The following NUBP1 variants were observed in gnomAD, a reference collection of about 807,000 sequenced individuals.
The protein encoded by NUBP1 is NUBP iron-sulfur cluster assembly factor 1, cytosolic, also known as cytosolic Fe-S cluster assembly factor NUBP1.
A neutral mutation model predicts 41.8 loss-of-function variants in NUBP1; 46 were observed. The ratio of observed to expected loss-of-function variants is 1.10; its 90% confidence interval spans 0.87 to 1.41. The LOEUF is 1.41. Among genes scored for constraint, NUBP1 ranks in the 40% most tolerant of loss-of-function variants. The pLI is 0.00. For missense variants in NUBP1, 494 were observed against 414.0 expected, an observed-to-expected ratio of 1.19 and a Z score of -1.68; for synonymous variants, 189 against 154.6, an observed-to-expected ratio of 1.22 and a Z score of -1.65.
In NUBP1 at chr16:10,757,206, C is replaced by T. The variant is rs548720670; in HGVS notation, c.451+426C>T. On this transcript the variant is annotated intron_variant, in intron 6 of 10. Coordinates refer to ENST00000283027, the MANE Select transcript of NUBP1 (RefSeq NM_002484.4). This position sits in a 1 kb window ranked among gnomAD's most constrained non-coding sequence, Gnocchi z 4.1. The stretch of plus-strand genomic sequence containing the variant: ...ATCCCAGCTACTCGAGAGGCTGAGG[C>T]AGGAGAACCCAGGAGGCGGAGGTTG... 6.6e-6 allele frequency among the ~76,000 whole-genome samples: 1 copy of T among 152,182 alleles called. No homozygotes were observed. Among genetic ancestry groups the T allele is most frequent in the East Asian group, 1.9e-4 (1 of 5,176 alleles).
intron 5 of NUBP1, among the ~76,000 whole-genome samples, chr16:10,756,396 AAAAT>A (rs144853210): frequency 0.26 from 40,042 of 151,684 alleles, 5,744 homozygotes; most frequent in African/African-American, 0.37. Context: ...GAAAAATAAA[AAAAT>A]AAAAGAGTTA....
rs2031013671 is a variant in NUBP1 at position 10,767,211 on chromosome 16, G to A, written c.821-738G>A. 2 of 399,730 alleles carry A rather than the reference G, an allele frequency of 5.0e-6. No individual in the cohort carries two copies. The highest frequency in any genetic ancestry group is 2.5e-4 in the South Asian group (2 of 7,880). 24.8% of individuals were successfully genotyped at this position (399,730 alleles called of 1,614,324 possible). On this transcript the variant is annotated intron_variant, in intron 9 of 10. Coordinates refer to ENST00000283027, the MANE Select transcript of NUBP1 (RefSeq NM_002484.4). This position sits in a 1 kb window ranked among gnomAD's most constrained non-coding sequence, Gnocchi z 4.6. ...GTCCACCCACGACTGGGGGCTGGCAGGGCAGACTGGAGGCGAGAACACCCC... is the reference window on the plus strand; with the variant it reads ...GTCCACCCACGACTGGGGGCTGGCAAGGCAGACTGGAGGCGAGAACACCCC...
chr16:10,761,277 A>G, intron 7 of NUBP1, 87 bp from the exon 8 acceptor site: 1 of 1,207,908 alleles, frequency 8.3e-7, no homozygotes, highest in Non-Finnish European at 1.2e-6. Flanking sequence ...TCGCAGATCC[A>G]CTGCATTGCA....
Position 10,757,814 on chromosome 16 carries a change from A to C in NUBP1, c.452-59A>C. On this transcript the variant is annotated intron_variant, in intron 6 of 10. Coordinates refer to ENST00000283027, the MANE Select transcript of NUBP1 (RefSeq NM_002484.4). The surrounding 1 kb of genome is among the most constrained non-coding windows in gnomAD (Gnocchi z 4.1). ...CCCATCCTTTAAAAAAAAAAGAGGG[A>C]GTTGAAAGTACAGAAAAGAAAGGAA... 1 of 1,568,376 alleles carries C rather than the reference A, an allele frequency of 6.4e-7. No homozygotes were observed. The highest frequency in any genetic ancestry group is 8.7e-7 in the Non-Finnish European group (1 of 1,151,068).
At chr16:10,760,421 T>C (rs1024341485) in intron 7 of NUBP1, among the ~76,000 whole-genome samples, 3 of 152,196 alleles carry the variant, frequency 2.0e-5, no homozygotes, top group Non-Finnish European at 4.4e-5. Context: ...TATAGTATAG[T>C]ATAGGGACAT....
Position 10,744,002 on chromosome 16 carries a change from T to G in NUBP1, c.61T>G (p.Ser21Ala). The G allele has an allele frequency of 6.3e-7, 1 of 1,582,378 alleles. No individual in the cohort carries two copies. The highest frequency in any genetic ancestry group is 8.5e-7 in the Non-Finnish European group (1 of 1,169,916). ...CAGCGCCCAGGCGGGCAGAGGGGCTTCATGTCAGGGATGCCCCAACCAGCG... is the reference window on the plus strand; with the variant it reads ...CAGCGCCCAGGCGGGCAGAGGGGCTGCATGTCAGGGATGCCCCAACCAGCG... ...ADSAQAGRGA[S>A]CQGCPNQRLC... Residue 21 changes from serine to alanine, a missense_variant, in exon 2 of 11, where the codon TCA (serine) becomes GCA (alanine). By Grantham distance (99) the Ser-to-Ala change is moderately conservative. Coordinates refer to ENST00000283027, the MANE Select transcript of NUBP1 (RefSeq NM_002484.4).
chr16:10,758,822 G>A (rs892296214), intron 7 of NUBP1, among the ~76,000 whole-genome samples: 2 of 152,156 alleles, frequency 1.3e-5, no homozygotes, highest in Admixed American at 1.3e-4. Context: ...TTCTTCCGTA[G>A]TGACACCCAG....
Position 10,768,238 on chromosome 16 carries a change from G to T in NUBP1, c.904+206G>T. On this transcript the variant is annotated intron_variant, in intron 10 of 10. Transcript: ENST00000283027. This position sits in a 1 kb window ranked among gnomAD's most constrained non-coding sequence, Gnocchi z 4.3. ...TTCATAGTTTAAAAAACATGGTGAG[G>T]GTGAAATTTATGGCTTAGGAAATAC... 2.3e-6 allele frequency: 1 copy of T among 435,516 alleles called. No individual in the cohort carries two copies. Among genetic ancestry groups the T allele is most frequent in the East Asian group, 3.6e-5 (1 of 27,656 alleles). The allele number at this position is 435,516 out of a possible 1,614,324, so 27.0% of individuals were successfully genotyped here. A position where few individuals can be genotyped will look rare whatever the true frequency, so the allele number is the denominator to read the frequency against.
chr16:10,762,861 G>T (rs532243839), intron 9 of NUBP1, among the ~76,000 whole-genome samples: 2 of 152,122 alleles, frequency 1.3e-5, no homozygotes, highest in Non-Finnish European at 2.9e-5. Context: ...CGGGGAGGGC[G>T]GAGGCCACGT....
Position 10,749,073 on chromosome 16 carries a change from A to C in NUBP1, c.258+1797A>C, listed in dbSNP as rs1900185711. Among the ~76,000 whole-genome samples, 1 of 151,586 alleles carries C rather than the reference A, an allele frequency of 6.6e-6. No individual in the cohort carries two copies. The highest frequency in any genetic ancestry group is 1.5e-5 in the Non-Finnish European group (1 of 67,936). ...CCTACTGCACTCCAGCCTGGGTGAC[A>C]GACAAGACTCCATTTAAAAAAAAAA... On this transcript the variant is annotated intron_variant, in intron 3 of 10. Coordinates refer to ENST00000283027, the MANE Select transcript of NUBP1 (RefSeq NM_002484.4). The surrounding 1 kb of genome is among the most constrained non-coding windows in gnomAD (Gnocchi z 4.1).
At chr16:10,758,789 G>T (rs910316080) in intron 7 of NUBP1, among the ~76,000 whole-genome samples, 1 of 152,168 alleles carries the variant, frequency 6.6e-6, no homozygotes, top group African/African-American at 2.4e-5. Context: ...GGGATTTCGG[G>T]ATAAGCCACT....
chr16:10,766,266 G>C lies in NUBP1; in HGVS notation c.821-1683G>C, dbSNP rs1696414925. Reference sequence around the variant, plus strand: ...TCGATGGCCCCGTGTGTAAAATGCAGGTGACAGTGGTGCCTAGTGAGAGGG... The same window carrying C: ...TCGATGGCCCCGTGTGTAAAATGCACGTGACAGTGGTGCCTAGTGAGAGGG... On this transcript the variant is annotated intron_variant, in intron 9 of 10. Coordinates refer to ENST00000283027, the MANE Select transcript of NUBP1 (RefSeq NM_002484.4). The surrounding 1 kb of genome is among the most constrained non-coding windows in gnomAD (Gnocchi z 4.8). 1 of 152,498 alleles carries C rather than the reference G, an allele frequency of 6.6e-6. No homozygotes were observed. Among genetic ancestry groups the C allele is most frequent in the Non-Finnish European group, 1.5e-5 (1 of 68,268 alleles). The allele number at this position is 152,498 out of a possible 1,614,324, so 9.4% of individuals were successfully genotyped here. A position where few individuals can be genotyped will look rare whatever the true frequency, so the allele number is the denominator to read the frequency against.
rs1900803819 is a variant in NUBP1, at chr16:10,759,650, C to T, written c.606+1623C>T. ...AATTAGCCAGGCGTGGTGGTGGGCA[C>T]CTGTAATCCCAGCTACTTGGGAGGC... is the stretch of plus-strand genomic sequence containing the variant. On this transcript the variant is annotated intron_variant, in intron 7 of 10. Transcript: ENST00000283027. The surrounding 1 kb of genome is among the most constrained non-coding windows in gnomAD (Gnocchi z 4.7). 6.6e-6 allele frequency among the ~76,000 whole-genome samples: 1 copy of T among 152,102 alleles called. No individual in the cohort carries two copies. The highest frequency in any genetic ancestry group is 1.5e-5 in the Non-Finnish European group (1 of 68,026).
intron 7 of NUBP1, among the ~76,000 whole-genome samples, chr16:10,758,352 A>G (rs1337628755): frequency 6.6e-6 from 1 of 152,200 alleles, no homozygotes; most frequent in East Asian, 1.9e-4. Flanking sequence ...TCGCGCCTGT[A>G]GTTCCAGCTA....
In NUBP1 at chr16:10,752,623, A is replaced by G; in HGVS notation, c.272A>G (p.Asp91Gly). The G allele has an allele frequency of 6.2e-7, 1 of 1,613,716 alleles. No individual in the cohort carries two copies. The highest frequency in any genetic ancestry group is 8.5e-7 in the Non-Finnish European group (1 of 1,179,726). ...EDENTQIALL[D>G]IDICGPSIPK... ...TCTTGTCCCCAGATTGCTCTTCTAG[A>G]CATCGATATATGTGGGCCATCGATT... Residue 91 changes from aspartate to glycine, a missense_variant, in exon 4 of 11, where the codon GAC becomes GGC. Physicochemically the swap from Asp to Gly is moderately conservative, Grantham distance 94. Coordinates refer to ENST00000283027, the MANE Select transcript of NUBP1 (RefSeq NM_002484.4).
intron 2 of NUBP1, among the ~76,000 whole-genome samples, chr16:10,746,735 G>A (rs1297905014): frequency 1.3e-5 from 2 of 151,708 alleles, no homozygotes; most frequent in Admixed American, 6.6e-5. Flanking sequence ...GCAACACTCT[G>A]TCTCAAAAAA....
At position 10,767,859 on chromosome 16, in the gene NUBP1, T is replaced by A. The variant is rs2233540; in HGVS notation, c.821-90T>A. 8.9e-5 allele frequency: 108 copies of A among 1,212,918 alleles called. No individual in the cohort carries two copies. Among genetic ancestry groups the A allele is most frequent in the Admixed American group, 1.7e-4 (10 of 57,978 alleles). The allele number at this position is 1,212,918 out of a possible 1,614,324, so 75.1% of individuals were successfully genotyped here. A position where few individuals can be genotyped will look rare whatever the true frequency, so the allele number is the denominator to read the frequency against. ...GTGAAGCGGGCTCAAGATCTTCCCATTGTCACCAGCACGGAAAGAGCCCCA... is the reference window on the plus strand; with the variant it reads ...GTGAAGCGGGCTCAAGATCTTCCCAATGTCACCAGCACGGAAAGAGCCCCA... On this transcript the variant is annotated intron_variant, in intron 9 of 10. Coordinates refer to ENST00000283027, the MANE Select transcript of NUBP1 (RefSeq NM_002484.4). The surrounding 1 kb of genome is among the most constrained non-coding windows in gnomAD (Gnocchi z 4.6).
intron 9 of NUBP1, 61 bp downstream of exon 9, chr16:10,761,920 G>A (rs760387846): frequency 1.1e-5 from 14 of 1,300,838 alleles, no homozygotes; most frequent in African/African-American, 2.9e-5. Context: ...GGCACGGGTC[G>A]GGCACAACAG....
intron 7 of NUBP1, among the ~76,000 whole-genome samples, chr16:10,758,342 T>C (rs1351695803): frequency 6.6e-6 from 1 of 152,036 alleles, no homozygotes; most frequent in Admixed American, 6.5e-5. Flanking sequence ...GCATGGTGGC[T>C]CGCGCCTGTA....
Sources: allele counts gnomAD v4.1 joint callset (sites outside exome capture counted in the v4.1 genomes callset), GRCh38; gene constraint gnomAD v4.1.1; non-coding constraint Gnocchi (gnomAD v3.1); transcripts MANE v1.5; gene names NCBI Gene and HGNC (gene_info 2026-07-23, HGNC 2026-07-21).